Variants in FRMPD4 observed in about 807,000 individuals in gnomAD.
The protein encoded by FRMPD4 is FERM and PDZ domain-containing protein 4.
In FRMPD4, 22 loss-of-function variants were observed where a neutral mutation model predicts 94.1. The observed-to-expected ratio is 0.23, with a 90% CI of 0.17 to 0.33. FRMPD4 has a LOEUF of 0.33. Ranked by LOEUF, FRMPD4 falls within the 10% of genes least tolerant of loss-of-function variation. The pLI is 1.00. For missense variants in FRMPD4, 1,111 were observed against 1,339.9 expected (o/e 0.83, Z 2.67); for synonymous variants, 631 against 548.6 (o/e 1.15, Z -2.10).
At chrX:12,695,784 G>T in intron 9 of FRMPD4, among the ~76,000 whole-genome samples, 1 of 105,989 alleles carries the variant, frequency 9.4e-6, no homozygotes, top group South Asian at 4.2e-4. Context: ...TTTTTGAGAC[G>T]GAGTTTCGCT....
rs1337829307 is a variant in FRMPD4 at position 11,842,069 on chromosome X, G to A, written c.-161+19354G>A. 5.8e-3 allele frequency among the ~76,000 whole-genome samples: 588 copies of A among 102,111 alleles called. 1 individual carries two copies. Among genetic ancestry groups the A allele is most frequent in the East Asian group, 0.033 (87 of 2,623 alleles). 88.7% of individuals were successfully genotyped at this position (102,111 alleles called of 115,157 possible). A position where few individuals can be genotyped will look rare whatever the true frequency, so the allele number is the denominator to read the frequency against. On this transcript the variant is annotated intron_variant, in intron 1 of 18. Coordinates refer to the FRMPD4 transcript ENST00000640291. ...GATCAGATAGTTGTAGATATGTGGC[G>A]TTATTTCTGAGGGCTGTGTTCTGTT...
chrX:12,589,678 T>C (rs2058964162), intron 2 of FRMPD4, among the ~76,000 whole-genome samples: 1 of 112,077 alleles, frequency 8.9e-6, no homozygotes, highest in Non-Finnish European at 1.9e-5. Flanking sequence ...TTGTGGCCTT[T>C]CCATGCTTAA....
intron 5 of FRMPD4, among the ~76,000 whole-genome samples, chrX:12,679,430 T>C (rs924331377): frequency 4.5e-5 from 5 of 111,741 alleles, no homozygotes; most frequent in Admixed American, 2.8e-4. Context: ...GGTTAGAGCC[T>C]GTGGGCAAAT....
intron 1 of FRMPD4, among the ~76,000 whole-genome samples, chrX:12,177,402 A>G (rs1019707580): frequency 1.8e-5 from 2 of 112,590 alleles, no homozygotes; most frequent in Non-Finnish European, 1.9e-5. Flanking sequence ...GAAAAATGCA[A>G]GAGATAATTC....
chrX:12,253,865 TG>T (rs2054078499), intron 1 of FRMPD4, among the ~76,000 whole-genome samples: 1 of 111,389 alleles, frequency 9.0e-6, no homozygotes, highest in South Asian at 3.8e-4. Flanking sequence ...GTGTACTCCA[TG>T]AACAAGGGAA....
At chrX:11,911,737 C>T (rs1274199296) in intron 3 of FRMPD4, among the ~76,000 whole-genome samples, 1 of 111,910 alleles carries the variant, frequency 8.9e-6, no homozygotes, top group African/African-American at 3.3e-5. Flanking sequence ...TCCTTTGGAA[C>T]ATTGAGAGAG....
intron 1 of FRMPD4, among the ~76,000 whole-genome samples, chrX:12,269,412 A>T (rs753824946): frequency 9.0e-6 from 1 of 111,727 alleles, no homozygotes; most frequent in Non-Finnish European, 1.9e-5. Flanking sequence ...GCTCTGTTCT[A>T]TACATTGATC....
At chrX:12,446,610 A>G (rs1258525322) in intron 1 of FRMPD4, among the ~76,000 whole-genome samples, 2 of 110,905 alleles carry the variant, frequency 1.8e-5, no homozygotes, top group African/African-American at 3.3e-5. Flanking sequence ...AATAAGTCTC[A>G]TGAGAGCTGT....
intron 3 of FRMPD4, among the ~76,000 whole-genome samples, chrX:12,064,841 T>G: frequency 8.9e-6 from 1 of 112,240 alleles, no homozygotes; most frequent in Non-Finnish European, 1.9e-5. Flanking sequence ...TTCAGTGGAT[T>G]AATATAACAG....
intron 2 of FRMPD4, among the ~76,000 whole-genome samples, chrX:12,591,593 A>G (rs963147762): frequency 1.8e-5 from 2 of 112,148 alleles, no homozygotes; most frequent in African/African-American, 3.2e-5. Context: ...TACATTATCT[A>G]TGTCTGCTTT....
chrX:12,653,767 G>T (rs5979702), intron 4 of FRMPD4, among the ~76,000 whole-genome samples: 14,608 of 106,597 alleles, frequency 0.14, 1,467 homozygotes, highest in African/African-American at 0.35. Flanking sequence ...ACTAATTTTT[G>T]TTTGTTTGTT....
chrX:12,157,988 G>A (rs1048346137), intron 1 of FRMPD4, among the ~76,000 whole-genome samples: 1 of 112,152 alleles, frequency 8.9e-6, no homozygotes, highest in Admixed American at 9.5e-5. Context: ...TCATGTGTGT[G>A]TAGACAGAGA....
chrX:12,353,467 G>A (rs1019988074), intron 1 of FRMPD4, among the ~76,000 whole-genome samples: 2 of 111,843 alleles, frequency 1.8e-5, no homozygotes, highest in African/African-American at 3.3e-5. Context: ...CACTGGACTC[G>A]CTAGCTGAAG....
chrX:12,477,165 T>C (rs1225389460), intron 1 of FRMPD4, among the ~76,000 whole-genome samples: 5 of 111,451 alleles, frequency 4.5e-5, no homozygotes, highest in African/African-American at 1.6e-4. Flanking sequence ...GGGACATGGA[T>C]GAAGCTGGAA....
intron 1 of FRMPD4, among the ~76,000 whole-genome samples, chrX:11,849,298 G>C (rs1020411047): frequency 9.0e-6 from 1 of 111,482 alleles, no homozygotes; most frequent in Non-Finnish European, 1.9e-5. Context: ...AATTAAAGAA[G>C]ATACAAATAA....
intron 3 of FRMPD4, among the ~76,000 whole-genome samples, chrX:11,950,222 T>G (rs924150951): frequency 8.9e-6 from 1 of 112,109 alleles, no homozygotes; most frequent in East Asian, 2.8e-4. Flanking sequence ...AGAAGGTGCC[T>G]GCTTCTCCTT....
chrX:11,829,493 T>G (rs1462648071), intron 1 of FRMPD4, among the ~76,000 whole-genome samples: 3 of 112,183 alleles, frequency 2.7e-5, no homozygotes, highest in Non-Finnish European at 5.6e-5. Flanking sequence ...GGATCATTTG[T>G]ATCCCAAACC....
At chrX:11,876,771 C>A (rs1385216689) in intron 2 of FRMPD4, among the ~76,000 whole-genome samples, 1 of 112,535 alleles carries the variant, frequency 8.9e-6, no homozygotes, top group Non-Finnish European at 1.9e-5. Flanking sequence ...TTGTCTTTGG[C>A]ATGAGCCCAT....
chrX:12,431,265 A>G (rs974527106), intron 1 of FRMPD4, among the ~76,000 whole-genome samples: 1 of 112,525 alleles, frequency 8.9e-6, no homozygotes, highest in Non-Finnish European at 1.9e-5. Flanking sequence ...ATGAATATCT[A>G]TGGATCGTGA....
Sources: gnomAD v4.1 joint callset for allele counts (sites outside exome capture counted in the v4.1 genomes callset) on GRCh38, gnomAD v4.1.1 for gene constraint, MANE v1.5 for transcripts, NCBI Gene and HGNC (gene_info 2026-07-23, HGNC 2026-07-21) for gene names.